BPGM: variants seen among roughly 807,000 people sequenced by gnomAD.
BPGM encodes bisphosphoglycerate mutase.
In BPGM, 15 loss-of-function variants were observed where a neutral mutation model predicts 21.6. The observed-to-expected ratio is 0.70, with a 90% confidence interval of 0.47 to 1.07. BPGM has a LOEUF of 1.07. Among genes scored for constraint, BPGM ranks in the 50% least tolerant of loss-of-function variants. The probability of loss-of-function intolerance (pLI) is 0.00; values close to 1 mark genes in which losing one functional copy is unlikely to be tolerated. For missense variants in BPGM, 273 were observed against 319.0 expected (o/e 0.86, Z 1.10); for synonymous variants, 113 against 116.2 (o/e 0.97, Z 0.18).
intron 2 of BPGM, among the ~76,000 whole-genome samples, chr7:134,675,855 A>T (rs1795977248): frequency 6.6e-6 from 1 of 152,180 alleles, no homozygotes; most frequent in African/African-American, 2.4e-5. Context: ...TCTAATCCAT[A>T]AATACATATT....
Position 134,675,466 on chromosome 7 carries a change from A to G in BPGM, c.602-3387A>G, listed in dbSNP as rs368334791. On this transcript the variant is annotated intron_variant, in intron 2 of 2. Coordinates refer to ENST00000344924, the MANE Select transcript of BPGM (RefSeq NM_001724.5). ...GGGGTCCAACTTCATTCTTTCACAT[A>G]TGGATATACAGTTATCCCAGTACTA... Among the ~76,000 whole-genome samples, 217 of 152,278 alleles carry G rather than the reference A, an allele frequency of 1.4e-3. 5 individuals are homozygous for G. The South Asian group carries it at 0.042, about 30-fold the overall frequency.
chr7:134,663,197 T>C (rs983320828), intron 2 of BPGM, among the ~76,000 whole-genome samples: 1 of 152,260 alleles, frequency 6.6e-6, no homozygotes, highest in Non-Finnish European at 1.5e-5. Context: ...AAATAGATTA[T>C]TAGTTAAAAA....
In BPGM at chr7:134,679,462, C is replaced by T. The variant is rs1025581678; in HGVS notation, c.*431C>T. ...CAGTAAGGGATATTAGATAATATAC[C>T]GTATGTATTTATTACTAGTCTTTTC... On this transcript the variant is annotated 3_prime_UTR_variant, in exon 3 of 3. Coordinates refer to ENST00000344924, the MANE Select transcript of BPGM (RefSeq NM_001724.5). 8 of 165,126 alleles carry T rather than the reference C, an allele frequency of 4.8e-5. No homozygotes were observed. In the South Asian group the frequency reaches 9.3e-4, roughly 19 times the overall value. The allele number at this position is 165,126 out of a possible 1,614,324, so 10.2% of individuals were successfully genotyped here.
At chr7:134,672,420 A>G (rs2131456413) in intron 2 of BPGM, among the ~76,000 whole-genome samples, 1 of 152,232 alleles carries the variant, frequency 6.6e-6, no homozygotes, top group Middle Eastern at 3.4e-3. Context: ...TGCCTTGCCC[A>G]TTGCAAGAAT....
At chr7:134,658,588 T>A (rs567287845) in intron 1 of BPGM, 1 of 152,382 alleles carries the variant, frequency 6.6e-6, no homozygotes, top group African/African-American at 2.4e-5. Flanking sequence ...GTGTGTTTCT[T>A]GGTAAACACT....
intron 1 of BPGM, among the ~76,000 whole-genome samples, chr7:134,650,181 T>C (rs117771500): frequency 6.6e-6 from 1 of 152,196 alleles, no homozygotes; most frequent in Non-Finnish European, 1.5e-5. Context: ...ACAGTTTGTG[T>C]TGATAAAAGC....
intron 1 of BPGM, among the ~76,000 whole-genome samples, chr7:134,655,393 G>GAT (rs1463430782): frequency 1.3e-5 from 2 of 152,152 alleles, no homozygotes; most frequent in Non-Finnish European, 2.9e-5. Context: ...TGGAACTGGA[G>GAT]ATACCCCTGT....
At chr7:134,655,714 T>C (rs1795626466) in intron 1 of BPGM, among the ~76,000 whole-genome samples, 1 of 152,252 alleles carries the variant, frequency 6.6e-6, no homozygotes, top group Admixed American at 6.5e-5. Flanking sequence ...CAACTGATTT[T>C]ACTGTGGCAG....
chr7:134,659,662 C>T (rs536289070), intron 1 of BPGM, among the ~76,000 whole-genome samples: 4 of 152,276 alleles, frequency 2.6e-5, no homozygotes, highest in African/African-American at 9.6e-5. Flanking sequence ...TTCTGGTTCC[C>T]TGGCACTTCC....
chr7:134,670,939 CTT>C (rs775605876), intron 2 of BPGM, among the ~76,000 whole-genome samples: 3 of 152,062 alleles, frequency 2.0e-5, no homozygotes, highest in Admixed American at 6.6e-5. Context: ...ATTTTGAACA[CTT>C]TGGAGAAAAT....
Position 134,679,190 on chromosome 7 carries a change from C to A in BPGM, c.*159C>A. ...GTAACTTATTGTGGCCCAGATAAGG[C>A]TTTAGGATGCCTCAGTGCTTATGTC... On this transcript the variant is annotated 3_prime_UTR_variant, in exon 3 of 3. Coordinates refer to ENST00000344924, the MANE Select transcript of BPGM (RefSeq NM_001724.5). 3 of 780,872 alleles carry A rather than the reference C, an allele frequency of 3.8e-6. No individual in the cohort carries two copies. The highest frequency in any genetic ancestry group is 2.7e-5 in the East Asian group (1 of 37,290). The allele number at this position is 780,872 out of a possible 1,614,324, so 48.4% of individuals were successfully genotyped here.
In BPGM at chr7:134,673,128, C is replaced by T. The variant is rs551340497; in HGVS notation, c.602-5725C>T. On this transcript the variant is annotated intron_variant, in intron 2 of 2. Transcript: ENST00000344924. The stretch of plus-strand genomic sequence containing the variant: ...GGCGGAGCTTGCAGTGAGCTGAGAT[C>T]GCGCCACTGCACTCCAGCCTGGGCG... Among the ~76,000 whole-genome samples, 29 of 152,140 alleles carry T rather than the reference C, an allele frequency of 1.9e-4. No homozygotes were observed. The South Asian group carries it at 3.9e-3, about 21-fold the overall frequency.
At position 134,651,418 on chromosome 7, in the gene BPGM, A is replaced by G. The variant is rs565750187; in HGVS notation, c.-62+4481A>G. ...AAAGTCCCAGGAGTGTCAGTTTGGA[A>G]GACAGGATGAGCCTCAGTTATGGGG... is the stretch of plus-strand genomic sequence containing the variant. On this transcript the variant is annotated intron_variant, in intron 1 of 2. Transcript: ENST00000344924. Among the ~76,000 whole-genome samples the G allele has an allele frequency of 3.9e-5, 6 of 152,284 alleles. No homozygotes were observed. The South Asian group carries it at 1.2e-3, about 32-fold the overall frequency.
chr7:134,678,594 G>A (rs1585869950), intron 2 of BPGM, among the ~76,000 whole-genome samples: 1 of 152,060 alleles, frequency 6.6e-6, no homozygotes, highest in Admixed American at 6.6e-5. Context: ...CCTTCCTTTC[G>A]GATTTAGATA....
chr7:134,650,202 G>C (rs1795534303), intron 1 of BPGM, among the ~76,000 whole-genome samples: 1 of 152,192 alleles, frequency 6.6e-6, no homozygotes, highest in Non-Finnish European at 1.5e-5. Flanking sequence ...TACTACCCTG[G>C]GGAAGACAAT....
chr7:134,663,500 A>G (rs1333139883), intron 2 of BPGM, among the ~76,000 whole-genome samples: 1 of 152,218 alleles, frequency 6.6e-6, no homozygotes. Context: ...ATTATTAGTG[A>G]TATATAACTT....
intron 1 of BPGM, among the ~76,000 whole-genome samples, chr7:134,655,160 C>CA (rs966443651): frequency 5.3e-5 from 8 of 151,534 alleles, no homozygotes; most frequent in Admixed American, 2.0e-4. Context: ...CAAAACAAAA[C>CA]AAAAAAAATA....
chr7:134,676,254 G>T (rs1738590288), intron 2 of BPGM, among the ~76,000 whole-genome samples: 1 of 152,140 alleles, frequency 6.6e-6, no homozygotes. Flanking sequence ...AAAGTCCTAG[G>T]TTCAAGAACT....
intron 1 of BPGM, among the ~76,000 whole-genome samples, chr7:134,653,228 T>C (rs1795583794): frequency 6.6e-6 from 1 of 152,240 alleles, no homozygotes; most frequent in Admixed American, 6.5e-5. Context: ...TTGTACCTAA[T>C]TATGGCAGAG....
Sources: gnomAD v4.1 joint callset for allele counts (sites outside exome capture counted in the v4.1 genomes callset) on GRCh38, gnomAD v4.1.1 for gene constraint, MANE v1.5 for transcripts, NCBI Gene and HGNC (gene_info 2026-07-23, HGNC 2026-07-21) for gene names.